Variants in ATOSB observed in about 807,000 individuals in gnomAD.
ATOSB encodes atos homolog protein B.
the ATOSB span, chr9:35,108,265 C>A: frequency 6.5e-7 from 1 of 1,550,138 alleles, no homozygotes; most frequent in Non-Finnish European, 8.7e-7. Context: ...TCCGCCTGCA[C>A]GTGGCGCATG....
At chr9:35,113,534 G>T in the ATOSB span, among the ~76,000 whole-genome samples, 1 of 152,280 alleles carries the variant, frequency 6.6e-6, no homozygotes, top group East Asian at 1.9e-4. Flanking sequence ...TGAGGCAGGA[G>T]AATCACTTGA....
At chr9:35,107,841 C>T in the ATOSB span, 1 of 1,597,668 alleles carries the variant, frequency 6.3e-7, no homozygotes, top group Non-Finnish European at 8.5e-7. Flanking sequence ...TGATGGGGGG[C>T]AGGGGGGACT....
chr9:35,107,698 G>C, the ATOSB span: 2 of 1,608,390 alleles, frequency 1.2e-6, no homozygotes, highest in Admixed American at 1.7e-5. Flanking sequence ...ATTTGTGCAA[G>C]ACTGTGCAAA....
chr9:35,105,452 G>T, the ATOSB span: 1 of 1,520,016 alleles, frequency 6.6e-7, no homozygotes, highest in South Asian at 1.3e-5. The surrounding 1 kb of genome is among the most constrained non-coding windows in gnomAD (Gnocchi z 5.5). Context: ...AGTGCTTTGG[G>T]AGACCCAGGT....
At chr9:35,110,399 G>C in the ATOSB span, 1 of 152,258 alleles carries the variant, frequency 6.6e-6, no homozygotes, top group Non-Finnish European at 1.5e-5. Context: ...GGGAAGCCAG[G>C]GGATGACATG....
the ATOSB span, chr9:35,105,974 A>C: frequency 6.2e-7 from 1 of 1,613,982 alleles, no homozygotes; most frequent in Non-Finnish European, 8.5e-7. This position sits in a 1 kb window ranked among gnomAD's most constrained non-coding sequence, Gnocchi z 5.5. Flanking sequence ...GCACGCTGTA[A>C]CCCTTCCTCC....
the ATOSB span, chr9:35,106,660 AAC>A: frequency 1.3e-6 from 2 of 1,536,036 alleles, no homozygotes; most frequent in Non-Finnish European, 1.8e-6. This position sits in a 1 kb window ranked among gnomAD's most constrained non-coding sequence, Gnocchi z 4.6. Context: ...GAGGAAGGGA[AAC>A]ACAGGGGGTT....
the ATOSB span, among the ~76,000 whole-genome samples, chr9:35,114,020 G>A: frequency 6.6e-5 from 10 of 152,190 alleles, no homozygotes; most frequent in East Asian, 5.8e-4. Context: ...TGAGGTGTTT[G>A]TATAAACAAT....
the ATOSB span, among the ~76,000 whole-genome samples, chr9:35,112,920 G>C: frequency 6.6e-6 from 1 of 151,956 alleles, no homozygotes; most frequent in Non-Finnish European, 1.5e-5. Context: ...CCTAGACTTG[G>C]GAGACACAAG....
chr9:35,107,838 G>T, the ATOSB span: 1 of 1,597,152 alleles, frequency 6.3e-7, no homozygotes, highest in South Asian at 1.1e-5. Context: ...ATTTGATGGG[G>T]GGCAGGGGGG....
the ATOSB span, among the ~76,000 whole-genome samples, chr9:35,113,629 A>AAAATAAAT: frequency 3.7e-4 from 53 of 142,534 alleles, no homozygotes; most frequent in African/African-American, 1.1e-3. Context: ...CTCCGTCTCA[A>AAAATAAAT]AAATAAATAA....
chr9:35,114,779 T>C, the ATOSB span, among the ~76,000 whole-genome samples: 3 of 152,056 alleles, frequency 2.0e-5, no homozygotes, highest in South Asian at 6.2e-4. Context: ...AGCCCTAGCG[T>C]TCCCTACCCA....
the ATOSB span, chr9:35,108,148 T>G: frequency 6.3e-7 from 1 of 1,578,252 alleles, no homozygotes; most frequent in Non-Finnish European, 8.6e-7. Flanking sequence ...CCGGGGGATG[T>G]CGCCCCCCCT....
the ATOSB span, chr9:35,107,704 G>A: frequency 5.6e-6 from 9 of 1,606,472 alleles, no homozygotes; most frequent in Non-Finnish European, 6.8e-6. Flanking sequence ...GCAAGACTGT[G>A]CAAATCAGTG....
chr9:35,112,845 G>A, the ATOSB span, among the ~76,000 whole-genome samples: 1 of 151,726 alleles, frequency 6.6e-6, no homozygotes, highest in African/African-American at 2.4e-5. Flanking sequence ...GACCCCCCAG[G>A]GCCCTGAGGT....
At chr9:35,105,637 G>T in the ATOSB span, 1 of 1,588,548 alleles carries the variant, frequency 6.3e-7, no homozygotes, top group Admixed American at 1.7e-5. The surrounding 1 kb of genome is among the most constrained non-coding windows in gnomAD (Gnocchi z 5.5). Flanking sequence ...TCTTCAGGGA[G>T]GGGATACCTG....
the ATOSB span, chr9:35,107,617 C>A: frequency 6.3e-7 from 1 of 1,594,450 alleles, no homozygotes; most frequent in South Asian, 1.1e-5. Flanking sequence ...TGCCCATTGG[C>A]AGTGCCAGGG....
the ATOSB span, chr9:35,108,555 T>C: frequency 2.5e-6 from 3 of 1,221,270 alleles, no homozygotes; most frequent in African/African-American, 1.6e-5. Flanking sequence ...CTCAGGCTTC[T>C]TACTGGACAC....
chr9:35,109,120 C>T, the ATOSB span: 1 of 152,364 alleles, frequency 6.6e-6, no homozygotes, highest in East Asian at 1.9e-4. Flanking sequence ...CACCAAATTG[C>T]ACAACTCCTT....
Sources: allele counts gnomAD v4.1 joint callset (sites outside exome capture counted in the v4.1 genomes callset), GRCh38; gene constraint gnomAD v4.1.1; non-coding constraint Gnocchi (gnomAD v3.1); transcripts MANE v1.5; gene names NCBI Gene and HGNC (gene_info 2026-07-23, HGNC 2026-07-21).